POM121C: variants seen among roughly 807,000 people sequenced by gnomAD.
The protein encoded by POM121C is POM121 transmembrane nucleoporin C, also known as nuclear envelope pore membrane protein POM 121C.
Under a neutral mutation model 66.4 loss-of-function variants are expected in POM121C, and 20 were observed. The observed-to-expected ratio is 0.30, with a 90% CI of 0.21 to 0.44. The LOEUF is 0.44. Ranked by LOEUF, POM121C falls within the 20% of genes least tolerant of loss-of-function variation. The pLI, the probability that POM121C is intolerant of heterozygous loss-of-function variation, is 1.00. For synonymous variants in POM121C, 286 were observed against 528.0 expected (o/e 0.54, Z 6.28); for missense variants, 580 against 1,225.7 (o/e 0.47, Z 7.87).
At position 75,419,356 on chromosome 7, in the gene POM121C, C is replaced by T. The variant is rs782435469; in HGVS notation, c.2830G>A (p.Ala944Thr). The change falls in exon 14 of 15, where the codon GCA becomes ACA. Residue 944 changes from alanine to threonine, a missense_variant. By Grantham distance (58) the Ala-to-Thr change is moderately conservative. Transcript: ENST00000615331. ...GSSLSFGASS[A>T]PAQGFVGVGP... ...ACACCAACAAAGCCTTGGGCGGGTG[C>T]TGAAGATGCCCCAAAGGAGAGGCTG... 10 of 1,613,658 alleles carry T rather than the reference C, an allele frequency of 6.2e-6. No homozygotes were observed. In the East Asian group the frequency reaches 1.6e-4, roughly 25 times the overall value.
rs191635565 is a variant in POM121C at position 75,475,393 on chromosome 7, G to A, written c.-457-205C>T. ...AAATAAAAAGCCAAAACACAACTGA[G>A]CTCCTATTTTGCAACTGAACTGAGT... On this transcript the variant is annotated intron_variant, in intron 1 of 14. Coordinates refer to ENST00000615331, the MANE Select transcript of POM121C (RefSeq NM_001099415.3). 5.7e-3 allele frequency among the ~76,000 whole-genome samples: 873 copies of A among 152,218 alleles called. 9 individuals carry two copies. Among genetic ancestry groups the A allele is most frequent in the African/African-American group, 0.019 (794 of 41,542 alleles).
chr7:75,434,566 G>A (rs1327517313), intron 7 of POM121C, among the ~76,000 whole-genome samples: 7 of 145,468 alleles, frequency 4.8e-5, no homozygotes, highest in Admixed American at 2.8e-4. Flanking sequence ...AGTGAGCCAC[G>A]GTGGCGCTCA....
At chr7:75,476,957 C>A (rs1483964038) in intron 1 of POM121C, among the ~76,000 whole-genome samples, 2 of 151,774 alleles carry the variant, frequency 1.3e-5, no homozygotes, top group Non-Finnish European at 2.9e-5. Flanking sequence ...TTTAAAAAAA[C>A]AAACTAAAGA....
intron 3 of POM121C, among the ~76,000 whole-genome samples, chr7:75,472,832 G>A (rs1445912253): frequency 2.6e-5 from 4 of 151,508 alleles, no homozygotes; most frequent in African/African-American, 7.3e-5. Flanking sequence ...AAGGGAGGGA[G>A]GGAGGAAGGG....
At chr7:75,484,579 G>C (rs1792437423) in intron 1 of POM121C, among the ~76,000 whole-genome samples, 1 of 142,920 alleles carries the variant, frequency 7.0e-6, no homozygotes, top group Non-Finnish European at 1.5e-5. Context: ...TGAGGCACGA[G>C]AATCCTTTGA....
intron 3 of POM121C, among the ~76,000 whole-genome samples, chr7:75,453,411 C>CA (rs1791094738): frequency 6.6e-6 from 1 of 150,760 alleles, no homozygotes; most frequent in South Asian, 2.1e-4. Context: ...GGAGAAACCC[C>CA]AACTCTGCTA....
intron 3 of POM121C, among the ~76,000 whole-genome samples, chr7:75,455,038 T>G (rs1196856067): frequency 6.6e-5 from 10 of 152,222 alleles, no homozygotes; most frequent in African/African-American, 2.2e-4. Flanking sequence ...ACAGTGTATA[T>G]AATTAATGTA....
In POM121C at chr7:75,442,582, C is replaced by T. The variant is rs782448295; in HGVS notation, c.-151-935G>A. The T allele has an allele frequency of 5.7e-4, 850 of 1,492,966 alleles. 1 individual carries two copies. The highest frequency in any genetic ancestry group is 3.5e-3 in the Middle Eastern group (15 of 4,342). The allele number at this position is 1,492,966 out of a possible 1,614,324, so 92.5% of individuals were successfully genotyped here. ...GCGCAGCCGCAGCAGGCACGAGGTA[C>T]AGTAGGAGGCCGACCAGCGACAGGC... On this transcript the variant is annotated intron_variant, in intron 3 of 14. Coordinates refer to ENST00000615331, the MANE Select transcript of POM121C (RefSeq NM_001099415.3).
Position 75,418,342 on chromosome 7 carries a change from C to G in POM121C, c.*454G>C. The G allele has an allele frequency of 1.0e-6, 1 of 983,368 alleles. No individual in the cohort carries two copies. The highest frequency in any genetic ancestry group is 1.2e-6 in the Non-Finnish European group (1 of 827,278). 60.9% of individuals were successfully genotyped at this position (983,368 alleles called of 1,614,324 possible). On this transcript the variant is annotated 3_prime_UTR_variant, in exon 15 of 15. Coordinates refer to ENST00000615331, the MANE Select transcript of POM121C (RefSeq NM_001099415.3). ...ACCAGAGGAAGAGAACCACTTCTCA[C>G]AGCTAAGCCAAGCAAGATAAAGCTT...
At chr7:75,440,811 G>A (rs1790614118) in intron 5 of POM121C, 143 bp downstream of exon 5, 5 of 1,372,712 alleles carry the variant, frequency 3.6e-6, no homozygotes, top group Non-Finnish European at 5.1e-6. Context: ...CTTGTTATTA[G>A]GTTCTCTCAT....
Position 75,416,950 on chromosome 7 carries a change from T to C in POM121C, c.*1846A>G. On this transcript the variant is annotated 3_prime_UTR_variant, in exon 15 of 15. Transcript: ENST00000615331. The stretch of plus-strand genomic sequence containing the variant: ...GTGTGTGTACTGTACACATCCACAC[T>C]CACTCTCACTCAGGGTTCCCGGACC... 3.6e-6 allele frequency: 5 copies of C among 1,390,356 alleles called. No individual in the cohort carries two copies. Among genetic ancestry groups the C allele is most frequent in the Non-Finnish European group, 3.7e-6 (4 of 1,073,668 alleles). The allele number at this position is 1,390,356 out of a possible 1,614,324, so 86.1% of individuals were successfully genotyped here.
At chr7:75,446,775 C>T (rs1335209744) in intron 3 of POM121C, among the ~76,000 whole-genome samples, 7 of 151,856 alleles carry the variant, frequency 4.6e-5, no homozygotes, top group East Asian at 1.9e-4. Context: ...TTTGGGGGGC[C>T]GAGGTGGGTG....
chr7:75,460,297 A>C (rs1226786820), intron 3 of POM121C, among the ~76,000 whole-genome samples: 4 of 148,858 alleles, frequency 2.7e-5, no homozygotes, highest in African/African-American at 1.0e-4. Context: ...GTTTGAGACC[A>C]GCCTGGGCAT....
Position 75,441,531 on chromosome 7 carries a change from T to G in POM121C, c.-35A>C. Reference sequence around the variant, plus strand: ...GCGAGGGGACAGCACAGCCTTCTTGTGATAACCATTCCAGCACACTGTGGG... The same window carrying G: ...GCGAGGGGACAGCACAGCCTTCTTGGGATAACCATTCCAGCACACTGTGGG... On this transcript the variant is annotated 5_prime_UTR_variant, in exon 4 of 15. Transcript: ENST00000615331. The G allele has an allele frequency of 6.2e-7, 1 of 1,613,792 alleles. No homozygotes were observed. The highest frequency in any genetic ancestry group is 8.5e-7 in the Non-Finnish European group (1 of 1,179,792).
At chr7:75,469,358 A>G (rs2116509464) in intron 3 of POM121C, among the ~76,000 whole-genome samples, 1 of 152,178 alleles carries the variant, frequency 6.6e-6, no homozygotes, top group East Asian at 1.9e-4. Flanking sequence ...TTGGCCTCCC[A>G]AAGTGCTCAG....
At chr7:75,442,721 G>T (rs1172098324) in intron 3 of POM121C, 4 of 1,359,804 alleles carry the variant, frequency 2.9e-6, no homozygotes, top group African/African-American at 1.5e-5. Flanking sequence ...CGGAGACATC[G>T]CGGCTCCGCG....
chr7:75,447,916 CG>C (rs1264400553), intron 3 of POM121C, among the ~76,000 whole-genome samples: 6 of 150,802 alleles, frequency 4.0e-5, no homozygotes, highest in Non-Finnish European at 7.4e-5. Flanking sequence ...CCCAGCTGCT[CG>C]GGAGGCTGAG....
chr7:75,478,086 C>T (rs1792159189), intron 1 of POM121C, among the ~76,000 whole-genome samples: 1 of 152,150 alleles, frequency 6.6e-6, no homozygotes, highest in Non-Finnish European at 1.5e-5. Context: ...TCTGCCTCAG[C>T]CTCCCGAGTA....
chr7:75,437,432 G>C (rs1790459360), intron 7 of POM121C, 83 bp downstream of exon 7: 1 of 1,504,360 alleles, frequency 6.6e-7, no homozygotes, highest in Admixed American at 2.1e-5. Flanking sequence ...GGGATTACAT[G>C]GCTAAGCTAC....
Sources: allele counts gnomAD v4.1 joint callset (sites outside exome capture counted in the v4.1 genomes callset), GRCh38; gene constraint gnomAD v4.1.1; transcripts MANE v1.5; gene names NCBI Gene and HGNC (gene_info 2026-07-23, HGNC 2026-07-21).